ZNF804B: variants seen among roughly 807,000 people sequenced by gnomAD.
The protein encoded by ZNF804B is zinc finger 804B.
In ZNF804B, 80 loss-of-function variants were observed where a neutral mutation model predicts 101.4. The ratio of observed to expected loss-of-function variants is 0.79; its 90% CI spans 0.66 to 0.95. The LOEUF is 0.95. Among genes scored for constraint, ZNF804B ranks in the 40% least tolerant of loss-of-function variants. The pLI, the probability that ZNF804B is intolerant of heterozygous loss-of-function variation, is 0.00. For missense variants in ZNF804B, 1,673 were observed against 1,561.9 expected (o/e 1.07, Z -1.20); for synonymous variants, 622 against 558.8 (o/e 1.11, Z -1.59).
chr7:89,252,951 C>T (rs34848644), intron 2 of ZNF804B, among the ~76,000 whole-genome samples: 18,612 of 152,134 alleles, frequency 0.12, 1,228 homozygotes, highest in Middle Eastern at 0.25. Flanking sequence ...GGGAATCTAT[C>T]GATCCCAAAC....
intron 3 of ZNF804B, among the ~76,000 whole-genome samples, 164 bp from the exon 4 acceptor site, chr7:89,333,199 A>G (rs1791013424): frequency 6.6e-6 from 1 of 152,020 alleles, no homozygotes; most frequent in Admixed American, 6.6e-5. Flanking sequence ...TAGCCACTAT[A>G]CAATTTATGC....
At chr7:88,957,144 A>G (rs886521940) in intron 1 of ZNF804B, among the ~76,000 whole-genome samples, 5 of 151,458 alleles carry the variant, frequency 3.3e-5, no homozygotes, top group African/African-American at 1.2e-4. Flanking sequence ...AAGGAAGCCC[A>G]TTTAAAGTAG....
intron 1 of ZNF804B, among the ~76,000 whole-genome samples, chr7:89,197,072 G>A (rs539423485): frequency 1.3e-5 from 2 of 152,028 alleles, no homozygotes; most frequent in South Asian, 4.1e-4. Flanking sequence ...TCCTCAAAGA[G>A]CTAGTGGCAG....
At chr7:89,227,751 T>C (rs1716528747) in intron 2 of ZNF804B, among the ~76,000 whole-genome samples, 1 of 152,102 alleles carries the variant, frequency 6.6e-6, no homozygotes, top group Non-Finnish European at 1.5e-5. Flanking sequence ...AATGGAAAGT[T>C]TGGGAAATAG....
At chr7:88,866,218 T>G (rs1791725380) in intron 1 of ZNF804B, among the ~76,000 whole-genome samples, 2 of 152,218 alleles carry the variant, frequency 1.3e-5, no homozygotes, top group Admixed American at 1.3e-4. Context: ...GATTTAAAAT[T>G]ATATTATGAA....
Position 89,112,326 on chromosome 7 carries a change from T to G in ZNF804B, c.109-105829T>G, listed in dbSNP as rs547475106. Among the ~76,000 whole-genome samples the G allele has an allele frequency of 3.3e-5, 5 of 152,302 alleles. No homozygotes were observed. The South Asian group carries it at 1.0e-3, about 32-fold the overall frequency. On this transcript the variant is annotated intron_variant, in intron 1 of 3. Coordinates refer to ENST00000333190, the MANE Select transcript of ZNF804B (RefSeq NM_181646.5). The stretch of plus-strand genomic sequence containing the variant: ...ATAAAGGTCAGTGGCTAGGTTCATT[T>G]TCTTGCATGTGGATGCCCAATTATT...
chr7:88,837,164 A>T (rs114889869), intron 1 of ZNF804B, among the ~76,000 whole-genome samples: 2 of 151,860 alleles, frequency 1.3e-5, no homozygotes, highest in African/African-American at 4.8e-5. Flanking sequence ...GGTACACAAT[A>T]TATTTTTTTT....
At chr7:89,031,967 G>GT (rs35786544) in intron 1 of ZNF804B, among the ~76,000 whole-genome samples, 3 of 150,494 alleles carry the variant, frequency 2.0e-5, no homozygotes, top group Admixed American at 6.6e-5. Context: ...TGTGCAATAG[G>GT]TTTTTTTTTT....
chr7:89,099,044 TTA>T (rs1168110295), intron 1 of ZNF804B, among the ~76,000 whole-genome samples: 11 of 147,552 alleles, frequency 7.5e-5, no homozygotes, highest in African/African-American at 2.0e-4. Context: ...ATATTATATA[TTA>T]TATATATATT....
At chr7:88,796,658 A>G (rs1790490376) in intron 1 of ZNF804B, among the ~76,000 whole-genome samples, 2 of 152,092 alleles carry the variant, frequency 1.3e-5, no homozygotes, top group Admixed American at 1.3e-4. Flanking sequence ...ACCTTCTCAC[A>G]TCCAACTCTG....
intron 1 of ZNF804B, among the ~76,000 whole-genome samples, chr7:88,963,584 C>T (rs902370191): frequency 6.6e-6 from 1 of 151,264 alleles, no homozygotes; most frequent in Admixed American, 6.6e-5. Context: ...CAGAAGAAAA[C>T]ATGGGGCAAA....
At chr7:89,290,404 G>A (rs541431569) in intron 2 of ZNF804B, among the ~76,000 whole-genome samples, 1 of 152,232 alleles carries the variant, frequency 6.6e-6, no homozygotes, top group South Asian at 2.1e-4. Flanking sequence ...TAGCAAAAGT[G>A]GGCTCTTGGG....
chr7:89,222,775 A>G (rs1291018962), intron 2 of ZNF804B, among the ~76,000 whole-genome samples: 1 of 151,942 alleles, frequency 6.6e-6, no homozygotes, highest in African/African-American at 2.4e-5. Flanking sequence ...TTCATGGTAA[A>G]CTAATTTAAC....
intron 1 of ZNF804B, among the ~76,000 whole-genome samples, chr7:89,111,061 AG>A (rs1298280978): frequency 7.2e-5 from 11 of 152,252 alleles, no homozygotes; most frequent in African/African-American, 2.6e-4. Flanking sequence ...ATGGCTCGGT[AG>A]CTCATTTCTT....
At chr7:88,797,668 CTT>C (rs768943932) in intron 1 of ZNF804B, among the ~76,000 whole-genome samples, 7 of 152,090 alleles carry the variant, frequency 4.6e-5, no homozygotes, top group African/African-American at 1.2e-4. Context: ...TCAAACTAGT[CTT>C]TTATACACAG....
intron 1 of ZNF804B, among the ~76,000 whole-genome samples, chr7:89,129,838 A>G (rs767051633): frequency 5.3e-5 from 8 of 151,998 alleles, no homozygotes; most frequent in Non-Finnish European, 8.8e-5. Flanking sequence ...GATACTTTAT[A>G]TCCTGGGAGA....
intron 2 of ZNF804B, among the ~76,000 whole-genome samples, chr7:89,296,266 A>C (rs1790382043): frequency 6.6e-6 from 1 of 152,232 alleles, no homozygotes; most frequent in African/African-American, 2.4e-5. Context: ...TACAGGAAAA[A>C]AATCTCTATC....
intron 2 of ZNF804B, among the ~76,000 whole-genome samples, chr7:89,281,055 C>A (rs1223365447): frequency 6.6e-6 from 1 of 152,138 alleles, no homozygotes; most frequent in Non-Finnish European, 1.5e-5. Flanking sequence ...GAAAATTTAA[C>A]AGCATAATTG....
At chr7:88,946,945 C>A (rs1793142679) in intron 1 of ZNF804B, among the ~76,000 whole-genome samples, 1 of 151,878 alleles carries the variant, frequency 6.6e-6, no homozygotes, top group African/African-American at 2.4e-5. Context: ...TAGAGAAATG[C>A]AAATCAAAAC....
Sources: gnomAD v4.1 joint callset for allele counts (sites outside exome capture counted in the v4.1 genomes callset) on GRCh38, gnomAD v4.1.1 for gene constraint, MANE v1.5 for transcripts, NCBI Gene and HGNC (gene_info 2026-07-23, HGNC 2026-07-21) for gene names.